RBFOX1: variants seen among roughly 807,000 people sequenced by gnomAD.
The protein encoded by RBFOX1 is RNA binding protein fox-1 homolog 1.
RBFOX1 carries 8 observed loss-of-function variants against 57.7 expected under a neutral mutation model. The ratio of observed to expected loss-of-function variants is 0.14; its 90% CI spans 0.08 to 0.25. The LOEUF (loss-of-function observed/expected upper bound fraction) is 0.25. RBFOX1 is among the 10% of genes least tolerant of loss of function. RBFOX1 has a pLI of 1.00. For missense variants in RBFOX1, 611 were observed against 548.5 expected, an observed-to-expected ratio of 1.11 and a Z score of -1.14; for synonymous variants, 326 against 222.4, an observed-to-expected ratio of 1.47 and a Z score of -4.15.
intron 4 of RBFOX1, among the ~76,000 whole-genome samples, chr16:7,307,399 A>G (rs1346073689): frequency 6.6e-6 from 1 of 152,238 alleles, no homozygotes; most frequent in Non-Finnish European, 1.5e-5. Context: ...GTGCCTCAGC[A>G]TCGGAGTCTA....
At chr16:6,896,333 T>C (rs1228004760) in intron 3 of RBFOX1, among the ~76,000 whole-genome samples, 3 of 152,232 alleles carry the variant, frequency 2.0e-5, no homozygotes, top group Non-Finnish European at 4.4e-5. Context: ...TATTTTTAAA[T>C]ATAAAATTAC....
intron 4 of RBFOX1, among the ~76,000 whole-genome samples, chr16:5,969,906 C>T (rs998999390): frequency 6.6e-6 from 1 of 151,982 alleles, no homozygotes; most frequent in Non-Finnish European, 1.5e-5. Flanking sequence ...AGTTTGCAAG[C>T]AGAGTTTGGA....
intron 3 of RBFOX1, among the ~76,000 whole-genome samples, chr16:6,824,225 C>A (rs9931028): frequency 6.6e-6 from 1 of 152,068 alleles, no homozygotes; most frequent in Non-Finnish European, 1.5e-5. Flanking sequence ...GCCAACATGG[C>A]GAAACTCCAT....
chr16:5,891,157 T>C (rs371650110), intron 4 of RBFOX1, among the ~76,000 whole-genome samples: 1 of 152,040 alleles, frequency 6.6e-6, no homozygotes, highest in Non-Finnish European at 1.5e-5. Flanking sequence ...CTCCTTAGGA[T>C]TTTTTCTTTG....
intron 4 of RBFOX1, among the ~76,000 whole-genome samples, chr16:7,067,325 TA>T (rs1382466423): frequency 6.6e-6 from 1 of 152,118 alleles, no homozygotes; most frequent in Non-Finnish European, 1.5e-5. Flanking sequence ...AATAGTGGTT[TA>T]TAGAACACAA....
At chr16:6,534,020 C>T (rs1351995378) in intron 2 of RBFOX1, among the ~76,000 whole-genome samples, 1 of 152,030 alleles carries the variant, frequency 6.6e-6, no homozygotes, top group Non-Finnish European at 1.5e-5. Flanking sequence ...CATACATACA[C>T]AAAGAGCTGT....
At chr16:7,569,599 A>G (rs1167079590) in intron 5 of RBFOX1, among the ~76,000 whole-genome samples, 2 of 152,196 alleles carry the variant, frequency 1.3e-5, no homozygotes, top group Non-Finnish European at 2.9e-5. Context: ...ATTGCCATGT[A>G]AAGTATCCTA....
chr16:7,561,903 G>C (rs1300348136), intron 5 of RBFOX1, among the ~76,000 whole-genome samples: 4 of 152,124 alleles, frequency 2.6e-5, no homozygotes, highest in Non-Finnish European at 5.9e-5. Flanking sequence ...GAGCTAAGTG[G>C]AATTTAGGAT....
At chr16:7,686,292 C>T (rs2076049909) in intron 14 of RBFOX1, among the ~76,000 whole-genome samples, 2 of 151,962 alleles carry the variant, frequency 1.3e-5, no homozygotes, top group Admixed American at 1.3e-4. Context: ...GACTTCTACC[C>T]TAGAAATATA....
chr16:7,573,359 G>T (rs908636789), intron 5 of RBFOX1, among the ~76,000 whole-genome samples: 1 of 152,124 alleles, frequency 6.6e-6, no homozygotes, highest in South Asian at 2.1e-4. Context: ...TGACGATCCA[G>T]GTTGGAGACC....
At chr16:6,569,755 C>G (rs550065719) in intron 2 of RBFOX1, among the ~76,000 whole-genome samples, 1 of 152,290 alleles carries the variant, frequency 6.6e-6, no homozygotes, top group African/African-American at 2.4e-5. Context: ...CTAGAGAAAA[C>G]CCAAGCATAC....
chr16:7,355,214 C>T (rs1010317919), intron 4 of RBFOX1, among the ~76,000 whole-genome samples: 1 of 152,156 alleles, frequency 6.6e-6, no homozygotes, highest in African/African-American at 2.4e-5. Context: ...GCTTTGTGCT[C>T]CTCGTCCTTC....
intron 3 of RBFOX1, among the ~76,000 whole-genome samples, chr16:5,646,986 G>A (rs1008166170): frequency 3.3e-5 from 5 of 152,110 alleles, no homozygotes; most frequent in African/African-American, 4.8e-5. Flanking sequence ...GAGCGCAGCC[G>A]GCGGCTGCGA....
chr16:7,426,987 C>A (rs1395084165), intron 4 of RBFOX1, among the ~76,000 whole-genome samples: 1 of 152,150 alleles, frequency 6.6e-6, no homozygotes. Context: ...AGCTGGAAAC[C>A]ATCATTCTCA....
chr16:6,376,355 G>A (rs920936928), intron 2 of RBFOX1, among the ~76,000 whole-genome samples: 14 of 152,038 alleles, frequency 9.2e-5, no homozygotes, highest in Non-Finnish European at 1.6e-4. Context: ...CAAACTAGGT[G>A]GCTTAAAAAA....
chr16:5,641,736 A>G (rs997904112), intron 3 of RBFOX1, among the ~76,000 whole-genome samples: 9 of 152,208 alleles, frequency 5.9e-5, no homozygotes, highest in African/African-American at 4.8e-5. Flanking sequence ...CAAGGAGCTC[A>G]GCGGAATAAA....
At chr16:6,597,127 G>A (rs1465064262) in intron 2 of RBFOX1, among the ~76,000 whole-genome samples, 3 of 152,132 alleles carry the variant, frequency 2.0e-5, no homozygotes, top group Non-Finnish European at 4.4e-5. Flanking sequence ...ATTACAAAAG[G>A]AGTTGACATC....
At chr16:5,692,113 T>C (rs1953608449) in intron 3 of RBFOX1, among the ~76,000 whole-genome samples, 1 of 151,982 alleles carries the variant, frequency 6.6e-6, no homozygotes, top group Admixed American at 6.6e-5. Context: ...GTAGTAACTT[T>C]AATAAACTAG....
intron 14 of RBFOX1, among the ~76,000 whole-genome samples, chr16:7,677,844 C>G (rs1360630208): frequency 6.6e-6 from 1 of 152,144 alleles, no homozygotes; most frequent in South Asian, 2.1e-4. Context: ...ATGTATTTGA[C>G]TCCTGAATGG....
Sources: gnomAD v4.1 joint callset for allele counts (sites outside exome capture counted in the v4.1 genomes callset) on GRCh38, gnomAD v4.1.1 for gene constraint, MANE v1.5 for transcripts, NCBI Gene and HGNC (gene_info 2026-07-23, HGNC 2026-07-21) for gene names.